The following CAPG variants were observed in gnomAD, a reference collection of about 807,000 sequenced individuals.
CAPG encodes the protein macrophage-capping protein.
A neutral mutation model predicts 44.6 loss-of-function variants in CAPG; 32 were observed. The observed-to-expected ratio is 0.72, with a 90% CI of 0.54 to 0.96. CAPG has a LOEUF of 0.96. CAPG is among the 50% of genes least tolerant of loss of function. The pLI, the probability that CAPG is intolerant of heterozygous loss-of-function variation, is 0.00. For synonymous variants in CAPG, 175 were observed against 179.6 expected (o/e 0.97, Z 0.20); for missense variants, 412 against 438.3 (o/e 0.94, Z 0.54).
At chr2:85,412,474 T>C (rs930115247), upstream of CAPG, among the ~76,000 whole-genome samples, 2 of 150,572 alleles carry the variant, frequency 1.3e-5, no homozygotes, top group Non-Finnish European at 3.0e-5. Context: ...GATTGCGCCA[T>C]TGCACTCCAG....
At chr2:85,397,704 AAAAG>A (rs57572523) in intron 8 of CAPG, among the ~76,000 whole-genome samples, 37,464 of 149,094 alleles carry the variant, frequency 0.25, 5,044 homozygotes, top group Non-Finnish European at 0.32. Context: ...TTCCTTCTCA[AAAAG>A]AAAGAAAGAA....
chr2:85,410,728 C>T (rs923048546), upstream of CAPG, among the ~76,000 whole-genome samples: 2 of 152,214 alleles, frequency 1.3e-5, no homozygotes, highest in Non-Finnish European at 2.9e-5. Context: ...CAGCCCCCAC[C>T]GCTGCTGGGT....
chr2:85,413,964 C>T (rs1275400291), upstream of CAPG: 1 of 152,286 alleles, frequency 6.6e-6, no homozygotes, highest in Non-Finnish European at 1.5e-5. Flanking sequence ...GGCGACCGGA[C>T]CCCGAAGCGC....
chr2:85,394,148 C>T (rs573458397), downstream of CAPG, among the ~76,000 whole-genome samples: 1 of 152,334 alleles, frequency 6.6e-6, no homozygotes, highest in African/African-American at 2.4e-5. Flanking sequence ...CTATTTAGCT[C>T]TCTAGCCTCT....
chr2:85,401,443 G>C, intron 4 of CAPG, 86 bp downstream of exon 4: 1 of 1,580,820 alleles, frequency 6.3e-7, no homozygotes, highest in Middle Eastern at 1.7e-4. Context: ...AGGCACCCGG[G>C]TCTTCTGCAG....
At chr2:85,407,801 G>T (rs1351408526) in intron 1 of CAPG, among the ~76,000 whole-genome samples, 2 of 151,250 alleles carry the variant, frequency 1.3e-5, no homozygotes, top group Non-Finnish European at 2.9e-5. Context: ...ATTAAAACCA[G>T]ACTCTCTAGG....
At chr2:85,394,289 G>A (rs544239809), downstream of CAPG, among the ~76,000 whole-genome samples, 35 of 152,340 alleles carry the variant, frequency 2.3e-4, no homozygotes, top group East Asian at 4.4e-3. Context: ...GGTGCTTTTC[G>A]CACAGCCCTG....
downstream of CAPG, chr2:85,394,722 G>A: frequency 7.5e-6 from 5 of 669,252 alleles, no homozygotes; most frequent in South Asian, 8.4e-5. Flanking sequence ...GAATAGGTGG[G>A]TGACAGTGAG....
At chr2:85,404,587 A>G (rs998194878) in intron 1 of CAPG, among the ~76,000 whole-genome samples, 2 of 151,922 alleles carry the variant, frequency 1.3e-5, no homozygotes, top group Non-Finnish European at 1.5e-5. Context: ...TGTCTCTACT[A>G]AAATACAAAA....
chr2:85,394,892 C>G lies in CAPG; in HGVS notation c.*1G>C, dbSNP rs1216329333. 8 of 1,611,538 alleles carry G rather than the reference C, an allele frequency of 5.0e-6. No homozygotes were observed. The highest frequency in any genetic ancestry group is 6.8e-6 in the Non-Finnish European group (8 of 1,177,546). ...AGCATGGGGCAGGAAGACGCCCACC[C>G]TCATTTCCAGTCCTTGAAAAATTGC... is the stretch of plus-strand genomic sequence containing the variant. On this transcript the variant is annotated 3_prime_UTR_variant, in exon 10 of 10. Coordinates refer to ENST00000263867, the MANE Select transcript of CAPG (RefSeq NM_001747.4).
chr2:85,409,072 T>C (rs11696093), intron 1 of CAPG, among the ~76,000 whole-genome samples: 38,941 of 152,108 alleles, frequency 0.26, 5,494 homozygotes, highest in Non-Finnish European at 0.33. Context: ...TGGACCCGCC[T>C]ACCTCCACTA....
rs777180092 is a variant in CAPG at position 85,401,576 on chromosome 2, C to G, written c.304G>C (p.Glu102Gln). ...PVQHREVQGNESDLFMSYFPR... is the reference protein window; with the variant it reads ...PVQHREVQGNQSDLFMSYFPR... ...AAGTAGCTCATGAAGAGGTCAGACTCATTGCCCTGCACCTCGCGGTGCTGC... is the reference window on the plus strand; with the variant it reads ...AAGTAGCTCATGAAGAGGTCAGACTGATTGCCCTGCACCTCGCGGTGCTGC... Residue 102 changes from glutamate to glutamine, a missense_variant, in exon 4 of 10, where the codon GAG becomes CAG. Coordinates refer to ENST00000263867, the MANE Select transcript of CAPG (RefSeq NM_001747.4). 17 of 1,614,216 alleles carry G rather than the reference C, an allele frequency of 1.1e-5. 1 individual carries two copies. Among genetic ancestry groups the G allele is most frequent in the Non-Finnish European group, 1.1e-5 (13 of 1,180,036 alleles).
chr2:85,419,140 G>C (rs1276824950), upstream of CAPG: 1 of 152,456 alleles, frequency 6.6e-6, no homozygotes, highest in Non-Finnish European at 1.5e-5. Flanking sequence ...GGGAAGGCCT[G>C]GGTCCTCCAG....
intron 1 of CAPG, among the ~76,000 whole-genome samples, chr2:85,417,968 G>A (rs749349229): frequency 7.9e-5 from 12 of 152,172 alleles, no homozygotes; most frequent in Non-Finnish European, 1.5e-4. Context: ...TTGTAGGCCA[G>A]GGTGGACCAT....
chr2:85,405,913 G>A (rs1449434301), intron 1 of CAPG, among the ~76,000 whole-genome samples: 7 of 152,200 alleles, frequency 4.6e-5, no homozygotes, highest in African/African-American at 9.6e-5. Flanking sequence ...GAGACACGGA[G>A]TGCGCCAATT....
At chr2:85,392,886 T>C (rs1477746628), downstream of CAPG, among the ~76,000 whole-genome samples, 4 of 152,102 alleles carry the variant, frequency 2.6e-5, no homozygotes, top group Non-Finnish European at 4.4e-5. Context: ...CTGCCCACCA[T>C]CCACCTGTTT....
chr2:85,413,180 G>A (rs1179392774), upstream of CAPG: 1 of 152,178 alleles, frequency 6.6e-6, no homozygotes, highest in Non-Finnish European at 1.5e-5. Context: ...TGTGACCCAC[G>A]GAGGGAACAA....
intron 1 of CAPG, among the ~76,000 whole-genome samples, chr2:85,406,025 G>T (rs903554108): frequency 2.0e-5 from 3 of 152,184 alleles, no homozygotes; most frequent in Non-Finnish European, 4.4e-5. Context: ...TGGCAGGCCG[G>T]GTGCGGTGGC....
chr2:85,403,380 A>C (rs899589263), intron 1 of CAPG, among the ~76,000 whole-genome samples: 1 of 152,134 alleles, frequency 6.6e-6, no homozygotes, highest in Non-Finnish European at 1.5e-5. Context: ...CCGCCAAAAA[A>C]CCCAAGCCCA....
Sources: gnomAD v4.1 joint callset for allele counts (sites outside exome capture counted in the v4.1 genomes callset) on GRCh38, gnomAD v4.1.1 for gene constraint, MANE v1.5 for transcripts, NCBI Gene and HGNC (gene_info 2026-07-23, HGNC 2026-07-21) for gene names.